Variants in ACMSD observed in about 807,000 individuals in gnomAD.
The protein encoded by ACMSD is aminocarboxymuconate semialdehyde decarboxylase.
In ACMSD, 37 loss-of-function variants were observed where a neutral mutation model predicts 45.9. The ratio of observed to expected loss-of-function variants is 0.81; its 90% confidence interval spans 0.62 to 1.06. ACMSD has a LOEUF of 1.06. ACMSD is among the 50% of genes least tolerant of loss of function. The pLI, the probability that ACMSD is intolerant of heterozygous loss-of-function variation, is 0.00. For synonymous variants in ACMSD, 138 were observed against 148.8 expected, an observed-to-expected ratio of 0.93 and a Z score of 0.53; for missense variants, 434 against 420.9, an observed-to-expected ratio of 1.03 and a Z score of -0.27.
chr2:134,898,514 G>T, intron 9 of ACMSD, 75 bp downstream of exon 9: 2 of 968,090 alleles, frequency 2.1e-6, no homozygotes, highest in Non-Finnish European at 2.9e-6. Flanking sequence ...AGAGCACTTT[G>T]ATATATAAAA....
intron 8 of ACMSD, among the ~76,000 whole-genome samples, chr2:134,895,679 G>A (rs1057470967): frequency 1.8e-4 from 27 of 152,104 alleles, no homozygotes; most frequent in African/African-American, 6.5e-4. Context: ...TGGCCAACAT[G>A]GCAAAACCCT....
chr2:134,857,007 T>C (rs1307366841), intron 2 of ACMSD, among the ~76,000 whole-genome samples: 1 of 152,240 alleles, frequency 6.6e-6, no homozygotes, highest in African/African-American at 2.4e-5. Flanking sequence ...ACAATATCAA[T>C]TTTTCAATCC....
intron 5 of ACMSD, 56 bp downstream of exon 5, chr2:134,863,687 A>T: frequency 2.5e-6 from 4 of 1,574,258 alleles, no homozygotes; most frequent in Non-Finnish European, 3.5e-6. Flanking sequence ...GGCCGGGGGC[A>T]CCGCTGGGTG....
chr2:134,895,827 C>T (rs1318078935), intron 8 of ACMSD, among the ~76,000 whole-genome samples: 2 of 152,208 alleles, frequency 1.3e-5, no homozygotes, highest in African/African-American at 2.4e-5. Context: ...CACCATTACA[C>T]TTCAGCCTGG....
intron 2 of ACMSD, among the ~76,000 whole-genome samples, chr2:134,853,071 G>A (rs1687418059): frequency 2.0e-5 from 3 of 150,668 alleles, no homozygotes; most frequent in African/African-American, 7.3e-5. Flanking sequence ...GCCGAGGTGG[G>A]AGAATCACTT....
rs116591033 is a variant in ACMSD at position 134,892,655 on chromosome 2, T to C, written c.850-5686T>C. The stretch of plus-strand genomic sequence containing the variant: ...GGAAGCCTAGGGTCAAGGGAGTCCA[T>C]TGTATACTTCATACAAGTCAGTCTC... On this transcript the variant is annotated intron_variant, in intron 8 of 9. Coordinates refer to ENST00000356140, the MANE Select transcript of ACMSD (RefSeq NM_138326.3). Among the ~76,000 whole-genome samples, 730 of 152,132 alleles carry C rather than the reference T, an allele frequency of 4.8e-3. 10 individuals carry two copies. Among genetic ancestry groups the C allele is most frequent in the African/African-American group, 0.016 (678 of 41,504 alleles).
chr2:134,898,920 G>A lies in ACMSD; in HGVS notation c.948+481G>A, dbSNP rs116365987. 7.6e-3 allele frequency among the ~76,000 whole-genome samples: 1,155 copies of A among 151,972 alleles called. 13 individuals are homozygous for A. Among genetic ancestry groups the A allele is most frequent in the African/African-American group, 0.024 (1,006 of 41,430 alleles). ...AGGCAGGTAAATGATACTAATATGT[G>A]CTATAATGCTACCATTACCTAGTCT... On this transcript the variant is annotated intron_variant, in intron 9 of 9. Transcript: ENST00000356140.
At chr2:134,880,262 T>C (rs754793601) in intron 8 of ACMSD, among the ~76,000 whole-genome samples, 88 of 152,176 alleles carry the variant, frequency 5.8e-4, no homozygotes, top group Non-Finnish European at 9.8e-4. Flanking sequence ...TTACCACAAC[T>C]TCAAAGAGTC....
intron 8 of ACMSD, among the ~76,000 whole-genome samples, chr2:134,880,338 T>C (rs998165193): frequency 6.6e-6 from 1 of 152,242 alleles, no homozygotes; most frequent in Non-Finnish European, 1.5e-5. Flanking sequence ...TTTTCACCCA[T>C]TACCCTAGTC....
intron 8 of ACMSD, among the ~76,000 whole-genome samples, chr2:134,890,709 G>A (rs1441740993): frequency 2.0e-5 from 3 of 151,970 alleles, no homozygotes; most frequent in African/African-American, 7.2e-5. Flanking sequence ...TCAAAGAAGT[G>A]TGTATATATA....
intron 3 of ACMSD, among the ~76,000 whole-genome samples, chr2:134,861,242 AG>A (rs1459569544): frequency 6.6e-6 from 1 of 152,104 alleles, no homozygotes; most frequent in Non-Finnish European, 1.5e-5. Context: ...AGCTGCAGCA[AG>A]GACCTGCCTT....
chr2:134,849,486 T>C (rs1344504749), intron 2 of ACMSD, among the ~76,000 whole-genome samples: 1 of 152,164 alleles, frequency 6.6e-6, no homozygotes, highest in Non-Finnish European at 1.5e-5. Context: ...CTGGGAGCAA[T>C]GAGAAAATCC....
intron 2 of ACMSD, among the ~76,000 whole-genome samples, chr2:134,850,109 G>A (rs1034537242): frequency 6.8e-6 from 1 of 146,086 alleles, no homozygotes; most frequent in Non-Finnish European, 1.5e-5. Flanking sequence ...ATATGTCGAA[G>A]TACTAACCCC....
At chr2:134,891,217 C>A (rs767684434) in intron 8 of ACMSD, among the ~76,000 whole-genome samples, 1 of 151,946 alleles carries the variant, frequency 6.6e-6, no homozygotes, top group Admixed American at 6.6e-5. Context: ...CCTAGACCAA[C>A]GCCCAGGAGA....
At chr2:134,851,828 T>C (rs1485404813) in intron 2 of ACMSD, among the ~76,000 whole-genome samples, 1 of 152,196 alleles carries the variant, frequency 6.6e-6, no homozygotes, top group Non-Finnish European at 1.5e-5. Flanking sequence ...TGAGATGGTA[T>C]CTCATTGTGG....
At chr2:134,865,975 A>G (rs1688077824) in intron 5 of ACMSD, among the ~76,000 whole-genome samples, 1 of 152,232 alleles carries the variant, frequency 6.6e-6, no homozygotes, top group African/African-American at 2.4e-5. Flanking sequence ...AAACTAGTTA[A>G]TAATTATAAA....
Position 134,901,753 on chromosome 2 carries a change from A to T in ACMSD, c.949-45A>T, listed in dbSNP as rs775577385. 1.1e-5 allele frequency: 17 copies of T among 1,499,862 alleles called. No individual in the cohort carries two copies. The East Asian group carries it at 3.4e-4, about 30-fold the overall frequency. 92.9% of individuals were successfully genotyped at this position (1,499,862 alleles called of 1,614,324 possible). The stretch of plus-strand genomic sequence containing the variant: ...ATCAATGTAGTACTTAAAAGTACTT[A>T]AAAAACAACCAATAATGCTTTAAAA... On this transcript the variant is annotated intron_variant, in intron 9 of 9. Transcript: ENST00000356140.
At chr2:134,849,136 C>CTGAAA (rs1408894027) in intron 2 of ACMSD, among the ~76,000 whole-genome samples, 1 of 152,006 alleles carries the variant, frequency 6.6e-6, no homozygotes, top group Non-Finnish European at 1.5e-5. Context: ...ATGTCCCTGT[C>CTGAAA]TTCAGTTTGT....
Position 134,850,223 on chromosome 2 carries a change from A to C in ACMSD, c.102+4946A>C, listed in dbSNP as rs535172896. On this transcript the variant is annotated intron_variant, in intron 2 of 9. Transcript: ENST00000356140. ...CTTCTTTCTCAGTTTGTGTCTGTAC[A>C]AATAGATATATATGGGTATTCTGAA... Among the ~76,000 whole-genome samples, 3 of 152,248 alleles carry C rather than the reference A, an allele frequency of 2.0e-5. No individual in the cohort carries two copies. In the South Asian group the frequency reaches 6.2e-4, roughly 32 times the overall value.
Sources: allele counts gnomAD v4.1 joint callset (sites outside exome capture counted in the v4.1 genomes callset), GRCh38; gene constraint gnomAD v4.1.1; transcripts MANE v1.5; gene names NCBI Gene and HGNC (gene_info 2026-07-23, HGNC 2026-07-21).